Variants in PLD5 observed in about 807,000 individuals in gnomAD.
PLD5 encodes the protein inactive phospholipase D5.
In PLD5, 36 loss-of-function variants were observed where a neutral mutation model predicts 61.1. The ratio of observed to expected loss-of-function variants is 0.59; its 90% confidence interval spans 0.45 to 0.78. PLD5 has a LOEUF of 0.78. Among genes scored for constraint, PLD5 ranks in the 30% least tolerant of loss-of-function variants. PLD5 has a pLI of 0.00. For missense variants in PLD5, 515 were observed against 644.4 expected, an observed-to-expected ratio of 0.80 and a Z score of 2.17; for synonymous variants, 243 against 242.8, an observed-to-expected ratio of 1.00 and a Z score of -0.01.
rs189731824 is a variant in PLD5 at position 242,425,222 on chromosome 1, C to G, written c.190-76980G>C. On this transcript the variant is annotated intron_variant, in intron 1 of 9. Coordinates refer to ENST00000536534, the MANE Select transcript of PLD5 (RefSeq NM_001372062.1). ...GGTGATTTTGTCCTTACATGAACAT[C>G]GTGGAGTGCACTTGCGCAAACCTAG... Among the ~76,000 whole-genome samples the G allele has an allele frequency of 3.0e-3, 455 of 152,252 alleles. 2 individuals carry two copies. The highest frequency in any genetic ancestry group is 4.7e-3 in the Non-Finnish European group (318 of 68,016).
chr1:242,454,983 T>C (rs1666902178), intron 1 of PLD5, among the ~76,000 whole-genome samples: 1 of 152,180 alleles, frequency 6.6e-6, no homozygotes, highest in Non-Finnish European at 1.5e-5. Flanking sequence ...ACAATCAGGG[T>C]ATAGTTCTCC....
intron 3 of PLD5, among the ~76,000 whole-genome samples, chr1:242,285,268 TGGTG>T (rs1674957238): frequency 6.6e-6 from 1 of 152,132 alleles, no homozygotes; most frequent in Non-Finnish European, 1.5e-5. Flanking sequence ...TGGGAGACCG[TGGTG>T]GGTGGATGAC....
chr1:242,480,955 A>G (rs1211602298), intron 1 of PLD5, among the ~76,000 whole-genome samples: 1 of 152,184 alleles, frequency 6.6e-6, no homozygotes, highest in African/African-American at 2.4e-5. Flanking sequence ...GGTTTTTTTA[A>G]TTTTAATAAA....
At chr1:242,114,820 T>C (rs965543802) in intron 6 of PLD5, among the ~76,000 whole-genome samples, 1 of 152,192 alleles carries the variant, frequency 6.6e-6, no homozygotes, top group Non-Finnish European at 1.5e-5. Context: ...GGGCTGTCAC[T>C]AATTCAACAA....
At chr1:242,384,662 C>T (rs772637921) in intron 1 of PLD5, among the ~76,000 whole-genome samples, 25 of 152,158 alleles carry the variant, frequency 1.6e-4, no homozygotes, top group Non-Finnish European at 1.0e-4. Context: ...CTGTAGCAAG[C>T]GTTTTGTGAA....
At chr1:242,440,898 A>C (rs184574330) in intron 1 of PLD5, among the ~76,000 whole-genome samples, 1 of 152,302 alleles carries the variant, frequency 6.6e-6, no homozygotes, top group African/African-American at 2.4e-5. Context: ...CACTGTATGG[A>C]TGAAATACAA....
At chr1:242,120,439 C>T (rs1476466241) in intron 6 of PLD5, among the ~76,000 whole-genome samples, 1 of 151,916 alleles carries the variant, frequency 6.6e-6, no homozygotes, top group Non-Finnish European at 1.5e-5. Context: ...AGGAGTGAGC[C>T]ACCATGCCCA....
chr1:242,481,567 C>G (rs775181143), intron 1 of PLD5, among the ~76,000 whole-genome samples: 2 of 152,364 alleles, frequency 1.3e-5, no homozygotes, highest in South Asian at 2.1e-4. Flanking sequence ...CTGGGAAGCT[C>G]GAACTGGGTG....
At chr1:242,272,792 T>A (rs1245311478) in intron 3 of PLD5, among the ~76,000 whole-genome samples, 1 of 152,308 alleles carries the variant, frequency 6.6e-6, no homozygotes, top group Non-Finnish European at 1.5e-5. Context: ...GTATTATTTT[T>A]AAAATACTAT....
chr1:242,383,364 T>C (rs368145829), intron 1 of PLD5, among the ~76,000 whole-genome samples: 1 of 152,134 alleles, frequency 6.6e-6, no homozygotes, highest in Non-Finnish European at 1.5e-5. Flanking sequence ...GACTTTAGTA[T>C]ATTTAAGAAG....
chr1:242,448,641 C>T (rs1024628759), intron 1 of PLD5, among the ~76,000 whole-genome samples: 3 of 152,134 alleles, frequency 2.0e-5, no homozygotes, highest in Non-Finnish European at 4.4e-5. Context: ...ATCCAGAGAG[C>T]AGAGGCCAAG....
chr1:242,229,277 A>G (rs896696357), intron 4 of PLD5, among the ~76,000 whole-genome samples: 2 of 152,270 alleles, frequency 1.3e-5, no homozygotes, highest in African/African-American at 2.4e-5. Flanking sequence ...AACAGAATTT[A>G]TCTCCAAGTT....
intron 5 of PLD5, among the ~76,000 whole-genome samples, chr1:242,185,615 GTTTA>G (rs1045708095): frequency 1.3e-5 from 2 of 151,832 alleles, no homozygotes; most frequent in African/African-American, 4.8e-5. Flanking sequence ...AAGGGAAACT[GTTTA>G]TTTGTTAGAG....
chr1:242,309,388 CTTTT>C (rs368753685), intron 2 of PLD5, among the ~76,000 whole-genome samples: 3 of 138,072 alleles, frequency 2.2e-5, no homozygotes, highest in Non-Finnish European at 1.6e-5. Flanking sequence ...GTTTTCTTTT[CTTTT>C]TTTTTTTTTT....
intron 6 of PLD5, among the ~76,000 whole-genome samples, chr1:242,123,393 C>T (rs1662531660): frequency 6.6e-6 from 1 of 152,346 alleles, no homozygotes; most frequent in African/African-American, 2.4e-5. Flanking sequence ...TACCCTCTTA[C>T]TCCAGTTCAG....
In PLD5 at chr1:242,085,580, G is replaced by T. The variant is rs2148631509; in HGVS notation, c.*4274C>A. ...AAAGATGCTAATCCAAATCAAATTG[G>T]AAAATTTTTTACCTTGGGCCAAATG... On this transcript the variant is annotated 3_prime_UTR_variant, in exon 10 of 10. Coordinates refer to ENST00000536534, the MANE Select transcript of PLD5 (RefSeq NM_001372062.1). 1 of 152,244 alleles carries T rather than the reference G, an allele frequency of 6.6e-6. No individual in the cohort carries two copies. The highest frequency in any genetic ancestry group is 3.4e-3 in the Middle Eastern group (1 of 294). 9.4% of individuals were successfully genotyped at this position (152,244 alleles called of 1,614,324 possible).
At chr1:242,317,607 C>T (rs1428795369) in intron 2 of PLD5, among the ~76,000 whole-genome samples, 1 of 152,058 alleles carries the variant, frequency 6.6e-6, no homozygotes, top group African/African-American at 2.4e-5. Flanking sequence ...TGTCCTATTA[C>T]TTGTTCAATC....
chr1:242,229,457 A>G (rs1169005301), intron 4 of PLD5, among the ~76,000 whole-genome samples: 1 of 152,158 alleles, frequency 6.6e-6, no homozygotes, highest in Non-Finnish European at 1.5e-5. Flanking sequence ...CCTCACCAAA[A>G]TGTACTACTA....
At chr1:242,368,883 G>T (rs1394388255) in intron 1 of PLD5, among the ~76,000 whole-genome samples, 1 of 152,174 alleles carries the variant, frequency 6.6e-6, no homozygotes, top group Non-Finnish European at 1.5e-5. Flanking sequence ...CTTTTTGTTA[G>T]AAAGGAAGTT....
Sources: gnomAD v4.1 joint callset for allele counts (sites outside exome capture counted in the v4.1 genomes callset) on GRCh38, gnomAD v4.1.1 for gene constraint, MANE v1.5 for transcripts, NCBI Gene and HGNC (gene_info 2026-07-23, HGNC 2026-07-21) for gene names.